NIPA1: variants seen among roughly 807,000 people sequenced by gnomAD.
NIPA1 encodes magnesium transporter NIPA1.
NIPA1 carries 13 observed loss-of-function variants against 23.9 expected under a neutral mutation model. The observed-to-expected ratio is 0.54, with a 90% confidence interval of 0.35 to 0.87. The LOEUF is 0.87. Among genes scored for constraint, NIPA1 ranks in the 40% least tolerant of loss-of-function variants. The probability of loss-of-function intolerance (pLI) is 0.01; values close to 1 mark genes in which losing one functional copy is unlikely to be tolerated. For synonymous variants in NIPA1, 234 were observed against 202.9 expected, an observed-to-expected ratio of 1.15 and a Z score of -1.30; for missense variants, 362 against 429.7, an observed-to-expected ratio of 0.84 and a Z score of 1.39.
At position 22,823,974 on chromosome 15, in the gene NIPA1, T is replaced by G; in HGVS notation, c.725T>G (p.Ile242Ser). The change falls in exon 5 of 5, where the codon ATC becomes AGC. Residue 242 changes from isoleucine to serine, a missense_variant. Around this residue, in one of 2 missense-constraint regions of NIPA1, gnomAD observed 277 missense variants for 372.0 expected, o/e 0.74. Transcript: ENST00000337435. ...CTGGCCGTGCTCGGCTGCAGCATCATCGTCCAGTTCAGGTACATCAACAAG... is the reference window on the plus strand; with the variant it reads ...CTGGCCGTGCTCGGCTGCAGCATCAGCGTCCAGTTCAGGTACATCAACAAG... ...VLLAVLGCSI[I>S]VQFRYINKAL... The G allele has an allele frequency of 6.2e-7, 1 of 1,614,176 alleles. No individual in the cohort carries two copies. Among genetic ancestry groups the G allele is most frequent in the African/African-American group, 1.3e-5 (1 of 75,038 alleles).
chr15:22,797,028 T>C (rs991365926), intron 1 of NIPA1, among the ~76,000 whole-genome samples: 5 of 151,526 alleles, frequency 3.3e-5, no homozygotes, highest in Non-Finnish European at 7.4e-5. Context: ...GTGGCTGCTA[T>C]TACAATTGAG....
intron 3 of NIPA1, among the ~76,000 whole-genome samples, chr15:22,814,598 G>A (rs1343552309): frequency 6.6e-6 from 1 of 152,132 alleles, no homozygotes; most frequent in East Asian, 1.9e-4. Flanking sequence ...AAAAGAATGT[G>A]GCACTGGAAA....
At chr15:22,812,914 G>C (rs967481454) in intron 3 of NIPA1, among the ~76,000 whole-genome samples, 1 of 152,132 alleles carries the variant, frequency 6.6e-6, no homozygotes, top group Non-Finnish European at 1.5e-5. Context: ...TGACTGAGTT[G>C]GTGTTTTATT....
At position 22,825,612 on chromosome 15, in the gene NIPA1, A is replaced by G. The variant is rs1426865813; in HGVS notation, c.*1373A>G. 1 of 152,244 alleles carries G rather than the reference A, an allele frequency of 6.6e-6. No individual in the cohort carries two copies. Among genetic ancestry groups the G allele is most frequent in the Non-Finnish European group, 1.5e-5 (1 of 68,056 alleles). The allele number at this position is 152,244 out of a possible 1,614,324, so 9.4% of individuals were successfully genotyped here. On this transcript the variant is annotated 3_prime_UTR_variant, in exon 5 of 5. Transcript: ENST00000337435. ...TGATAATAAGGCTAAGTGGGAGAGT[A>G]CCTGTTCAATAGCTCATATATCGAG... is the stretch of plus-strand genomic sequence containing the variant.
chr15:22,820,353 A>C lies in NIPA1; in HGVS notation c.358A>C (p.Ile120Leu), dbSNP rs780136208. ...CTATCTCCTGAAGGAAAAGCTCAAC[A>C]TCTTGGGCAAGTTGGGGTGCCTGCT... ...ASYLLKEKLN[I>L]LGKLGCLLSC... Residue 120 changes from isoleucine to leucine, a missense_variant, in exon 4 of 5, where the codon ATC becomes CTC. This residue lies in a region of NIPA1 where 277 missense variants were observed against 372.0 expected (regional missense o/e 0.74). Transcript: ENST00000337435. The C allele has an allele frequency of 6.2e-7, 1 of 1,612,962 alleles. No homozygotes were observed. Among genetic ancestry groups the C allele is most frequent in the Non-Finnish European group, 8.5e-7 (1 of 1,178,888 alleles).
intron 3 of NIPA1, chr15:22,813,737 T>C (rs2140869837): frequency 2.2e-6 from 1 of 452,602 alleles, no homozygotes. Context: ...AAATACCATG[T>C]TTTTCACATG....
chr15:22,817,219 G>T (rs1035066331), intron 3 of NIPA1, among the ~76,000 whole-genome samples: 1 of 143,572 alleles, frequency 7.0e-6, no homozygotes, highest in Non-Finnish European at 1.5e-5. Context: ...AATTACATCT[G>T]CCAGGCGCAG....
At chr15:22,823,613 C>A in intron 4 of NIPA1, 115 bp from the exon 5 acceptor site, 1 of 1,002,742 alleles carries the variant, frequency 1.0e-6, no homozygotes, top group South Asian at 1.4e-5. Flanking sequence ...GGCTGTGCCG[C>A]AGTAGAGGCC....
intron 1 of NIPA1, among the ~76,000 whole-genome samples, chr15:22,797,751 C>T (rs546710309): frequency 1.3e-5 from 2 of 152,252 alleles, no homozygotes; most frequent in Admixed American, 6.5e-5. Flanking sequence ...GATCCGCCCA[C>T]CTCGGCCTCC....
Position 22,823,845 on chromosome 15 carries a change from G to C in NIPA1, c.596G>C (p.Gly199Ala), listed in dbSNP as rs751143792. ...MVYISICSLL[G>A]SFTVPSTKGI... The stretch of plus-strand genomic sequence containing the variant: ...TACATCAGCATCTGCTCCTTGCTGG[G>C]CAGTTTCACCGTGCCTTCCACCAAG... Residue 199 changes from glycine (G) to alanine (A), a missense_variant, in exon 5 of 5, where the codon GGC (glycine) becomes GCC (alanine). By Grantham distance (60) the Gly-to-Ala change is moderately conservative. This residue lies in a region of NIPA1 where 277 missense variants were observed against 372.0 expected (regional missense o/e 0.74). Coordinates refer to ENST00000337435, the MANE Select transcript of NIPA1 (RefSeq NM_144599.5). The C allele has an allele frequency of 1.9e-6, 3 of 1,614,136 alleles. No individual in the cohort carries two copies. The Admixed American group carries it at 5.0e-5, about 27-fold the overall frequency.
At chr15:22,802,462 A>T (rs1004996780) in intron 1 of NIPA1, among the ~76,000 whole-genome samples, 6 of 151,986 alleles carry the variant, frequency 3.9e-5, no homozygotes, top group Non-Finnish European at 8.8e-5. Flanking sequence ...GTGCATGTTT[A>T]ATGTACACAC....
At chr15:22,810,831 C>G (rs1895302203) in intron 2 of NIPA1, 35 bp downstream of exon 2, 1 of 1,553,024 alleles carries the variant, frequency 6.4e-7, no homozygotes, top group Non-Finnish European at 8.9e-7. Context: ...TGGTCTTTTC[C>G]TTTCTTAGAA....
rs377271508 is a variant in NIPA1, at chr15:22,823,792, G to A, written c.543G>A (p.Pro181=). The stretch of plus-strand genomic sequence containing the variant: ...TGCTGCTCATCTTCTGGATCGCGCC[G>A]GCCCATGGGCCCACCAACATCATGG... ...MLLLLIFWIA[P]AHGPTNIMVY... The change falls in exon 5 of 5, where the codon CCG becomes CCA. Residue 181 remains proline, a synonymous_variant. Transcript: ENST00000337435. The A allele has an allele frequency of 1.9e-5, 30 of 1,613,774 alleles. No homozygotes were observed. The highest frequency in any genetic ancestry group is 2.5e-5 in the Non-Finnish European group (29 of 1,179,882).
chr15:22,815,677 A>C (rs1281138204), intron 3 of NIPA1, among the ~76,000 whole-genome samples: 1 of 152,032 alleles, frequency 6.6e-6, no homozygotes, highest in African/African-American at 2.4e-5. Flanking sequence ...ACTATGAACT[A>C]ATTCTCTTAT....
rs1022612574 is a variant in NIPA1 at position 22,829,196 on chromosome 15, T to C, written c.*4957T>C. ...CCGATGGTGTGATGTGCTCCTGACA[T>C]TCGGCCGAGGTCTGTATTCTGAAAA... is the stretch of plus-strand genomic sequence containing the variant. On this transcript the variant is annotated 3_prime_UTR_variant, in exon 5 of 5. Coordinates refer to ENST00000337435, the MANE Select transcript of NIPA1 (RefSeq NM_144599.5). The C allele has an allele frequency of 6.6e-6, 1 of 152,212 alleles. No homozygotes were observed. The highest frequency in any genetic ancestry group is 1.5e-5 in the Non-Finnish European group (1 of 68,038). The allele number at this position is 152,212 out of a possible 1,614,324, so 9.4% of individuals were successfully genotyped here.
Position 22,786,663 on chromosome 15 carries a change from A to G in NIPA1, c.7A>G (p.Thr3Ala), listed in dbSNP as rs1421990744. The G allele has an allele frequency of 1.9e-6, 2 of 1,058,646 alleles. No homozygotes were observed. Among genetic ancestry groups the G allele is most frequent in the Non-Finnish European group, 2.3e-6 (2 of 876,130 alleles). 65.6% of individuals were successfully genotyped at this position (1,058,646 alleles called of 1,614,324 possible). Residue 3 changes from threonine (T) to alanine (A), a missense_variant, in exon 1 of 5, where the codon ACT becomes GCT. Around this residue, in one of 2 missense-constraint regions of NIPA1, gnomAD observed 85 missense variants for 57.7 expected, o/e 1.47. Transcript: ENST00000337435. MG[T>A]AAAAAAAAAA... ...GAGGGCGGGCGCGGGCGGAATGGGGACTGCAGCTGCGGCAGCGGCGGCGGC... is the reference window on the plus strand; with the variant it reads ...GAGGGCGGGCGCGGGCGGAATGGGGGCTGCAGCTGCGGCAGCGGCGGCGGC...
upstream of NIPA1, chr15:22,786,624 C>G (rs1894705258): frequency 3.3e-6 from 3 of 899,076 alleles, no homozygotes; most frequent in Non-Finnish European, 2.7e-6. Flanking sequence ...GCGCGGCGCG[C>G]AGGCGCAGGC....
At chr15:22,818,850 A>G (rs1039463890) in intron 3 of NIPA1, among the ~76,000 whole-genome samples, 4 of 152,088 alleles carry the variant, frequency 2.6e-5, no homozygotes, top group African/African-American at 9.7e-5. Context: ...GTATTCCACA[A>G]TGGAATAAGA....
intron 1 of NIPA1, among the ~76,000 whole-genome samples, chr15:22,792,288 G>T (rs184676078): frequency 2.0e-5 from 3 of 152,194 alleles, no homozygotes; most frequent in African/African-American, 7.2e-5. Flanking sequence ...TGAGGGGTTC[G>T]CATGGCTGCC....
Sources: gnomAD v4.1 joint callset for allele counts (sites outside exome capture counted in the v4.1 genomes callset) on GRCh38, gnomAD v4.1.1 for gene constraint, gnomAD v4.1.1 regional missense constraint, MANE v1.5 for transcripts, NCBI Gene and HGNC (gene_info 2026-07-23, HGNC 2026-07-21) for gene names.